Variants in HAUS4 observed in about 807,000 individuals in gnomAD.
HAUS4 encodes HAUS augmin-like complex subunit 4.
Under a neutral mutation model 50.6 loss-of-function variants are expected in HAUS4, and 34 were observed. The ratio of observed to expected loss-of-function variants is 0.67; its 90% CI spans 0.51 to 0.90. HAUS4 has a LOEUF of 0.90. Ranked by LOEUF, HAUS4 falls within the 40% of genes least tolerant of loss-of-function variation. The pLI is 0.00. For missense variants in HAUS4, 370 were observed against 428.7 expected, an observed-to-expected ratio of 0.86 and a Z score of 1.21; for synonymous variants, 149 against 161.4, an observed-to-expected ratio of 0.92 and a Z score of 0.58.
chr14:22,953,694 C>A (rs1414541830), intron 2 of HAUS4, among the ~76,000 whole-genome samples: 6 of 151,880 alleles, frequency 4.0e-5, no homozygotes, highest in Admixed American at 6.6e-5. Context: ...GATCTCGGCT[C>A]ACTGCAAGCT....
chr14:22,946,379 G>T lies in HAUS4; in HGVS notation c.*146C>A. The T allele has an allele frequency of 2.0e-6, 1 of 504,208 alleles. No homozygotes were observed. The allele number at this position is 504,208 out of a possible 1,614,324, so 31.2% of individuals were successfully genotyped here. A position where few individuals can be genotyped will look rare whatever the true frequency, so the allele number is the denominator to read the frequency against. ...TAAAAAATAAAGAGAAACCAGGAGA[G>T]TGCCTAAATGACTGCAGTGTTTCAA... On this transcript the variant is annotated 3_prime_UTR_variant, in exon 10 of 10. Transcript: ENST00000541587.
intron 9 of HAUS4, 73 bp from the exon 10 acceptor site, chr14:22,946,781 CTTTTTT>C (rs11414358): frequency 3.9e-5 from 23 of 596,956 alleles, no homozygotes; most frequent in Admixed American, 1.5e-4. Context: ...AAATGAAAAA[CTTTTTT>C]TTTTTTTTTT....
chr14:22,954,361 A>G (rs926242821), intron 2 of HAUS4: 8 of 152,178 alleles, frequency 5.3e-5, no homozygotes, highest in Admixed American at 3.3e-4. Context: ...GAAATAGTCA[A>G]GATATAGAAA....
intron 4 of HAUS4, 78 bp from the exon 5 acceptor site, chr14:22,951,767 C>T (rs2044757511): frequency 7.5e-7 from 1 of 1,340,906 alleles, no homozygotes; most frequent in Non-Finnish European, 1.0e-6. Context: ...CCTTATGAAC[C>T]AGTTTTTCAC....
At chr14:22,947,328 G>C in intron 8 of HAUS4, 89 bp from the exon 9 acceptor site, 1 of 913,108 alleles carries the variant, frequency 1.1e-6, no homozygotes, top group Non-Finnish European at 1.8e-6. Flanking sequence ...CGACGGTCAA[G>C]GTGTGGGCTA....
intron 2 of HAUS4, chr14:22,954,706 C>T (rs1434205771): frequency 6.3e-6 from 1 of 158,806 alleles, no homozygotes; most frequent in African/African-American, 2.4e-5. Context: ...GTGAGGAAAA[C>T]CATACTGGGG....
rs970930631 is a variant in HAUS4 at position 22,947,870 on chromosome 14, G to A, written c.706C>T (p.Gln236Ter). The A allele has an allele frequency of 1.2e-6, 2 of 1,613,110 alleles. No individual in the cohort carries two copies. Among genetic ancestry groups the A allele is most frequent in the Non-Finnish European group, 1.7e-6 (2 of 1,179,508 alleles). ...LLEKKSAAYS[Q>*]VLLRCLTLLQ... The stretch of plus-strand genomic sequence containing the variant: ...GGCTGTCCCATGCCCTGATAAACCT[G>A]GGAGTAAGCAGCACTCTTCTTCTCC... The change falls in exon 7 of 10, where the codon CAG (glutamine) becomes TAG (stop). Residue 236 changes from glutamine to a stop codon, truncating the protein, a stop_gained and splice_region_variant. Transcript: ENST00000541587. LOFTEE classifies it high-confidence loss of function.
intron 6 of HAUS4, 85 bp from the exon 7 acceptor site, chr14:22,948,098 T>C: frequency 7.7e-7 from 1 of 1,295,450 alleles, no homozygotes; most frequent in Non-Finnish European, 1.0e-6. Flanking sequence ...CTATCCTGTA[T>C]CTAGACCCAC....
intron 5 of HAUS4, among the ~76,000 whole-genome samples, chr14:22,950,816 C>T (rs1318475400): frequency 6.6e-6 from 1 of 152,186 alleles, no homozygotes. Flanking sequence ...TTAATATCCA[C>T]CAATAAGGTT....
chr14:22,947,752 G>A lies in HAUS4; in HGVS notation c.709-21C>T, dbSNP rs369835634. ...AGCACCTGAGCCCAAGATGGAGGAA[G>A]AAGAGGGCATAAATAAAGATAGTAG... On this transcript the variant is annotated intron_variant, in intron 7 of 9. Coordinates refer to ENST00000541587, the MANE Select transcript of HAUS4 (RefSeq NM_001166269.2). 11 of 1,613,638 alleles carry A rather than the reference G, an allele frequency of 6.8e-6. No homozygotes were observed. The African/African-American group carries it at 9.3e-5, about 14-fold the overall frequency.
chr14:22,947,772 T>C (rs1156678491), intron 7 of HAUS4, 41 bp from the exon 8 acceptor site: 3 of 1,612,670 alleles, frequency 1.9e-6, no homozygotes, highest in Admixed American at 1.7e-5. Flanking sequence ...TAAATAAAGA[T>C]AGTAGAAAGG....
rs759880389 is a variant in HAUS4 at position 22,946,689 on chromosome 14, T to G, written c.928A>C (p.Ile310Leu). The G allele has an allele frequency of 1.9e-6, 3 of 1,611,994 alleles. No individual in the cohort carries two copies. In the South Asian group the frequency reaches 3.3e-5, roughly 18 times the overall value. Residue 310 changes from isoleucine (I) to leucine (L), a missense_variant, in exon 10 of 10, where the codon ATT becomes CTT. Physicochemically the swap from Ile to Leu is conservative, Grantham distance 5. Coordinates refer to ENST00000541587, the MANE Select transcript of HAUS4 (RefSeq NM_001166269.2). ...TCCATGTCCTGCTCCTGTAGGTGAA[T>G]GGCTCCCTCCAAACGGTCCCTAAGA... ...RLIRDRLEGA[I>L]HLQEQDMENS... is the part of the protein sequence containing the mutation.
chr14:22,947,327 A>G, intron 8 of HAUS4, 88 bp from the exon 9 acceptor site: 2 of 915,612 alleles, frequency 2.2e-6, no homozygotes, highest in Non-Finnish European at 3.6e-6. Context: ...CCGACGGTCA[A>G]GGTGTGGGCT....
intron 2 of HAUS4, among the ~76,000 whole-genome samples, chr14:22,953,207 T>A (rs2044790248): frequency 6.6e-6 from 1 of 151,936 alleles, no homozygotes; most frequent in South Asian, 2.1e-4. Context: ...TGGAGTGCAG[T>A]GGCACAATCA....
At chr14:22,953,920 G>A (rs764829380) in intron 2 of HAUS4, among the ~76,000 whole-genome samples, 9 of 151,262 alleles carry the variant, frequency 5.9e-5, no homozygotes, top group African/African-American at 1.7e-4. Flanking sequence ...GTGAGCCACC[G>A]TGCCCAGCCT....
intron 5 of HAUS4, 82 bp from the exon 6 acceptor site, chr14:22,950,492 C>T (rs1183517889): frequency 3.9e-6 from 3 of 768,774 alleles, no homozygotes; most frequent in Non-Finnish European, 6.8e-6. Flanking sequence ...ATGATGATAA[C>T]CTCAATAATA....
chr14:22,949,697 A>G (rs1341580302), intron 6 of HAUS4, among the ~76,000 whole-genome samples: 1 of 152,208 alleles, frequency 6.6e-6, no homozygotes, highest in Non-Finnish European at 1.5e-5. Flanking sequence ...CCAAGCTTAT[A>G]CAGAGAGTAT....
In HAUS4 at chr14:22,952,451, C is replaced by T. The variant is rs2044771974; in HGVS notation, c.207G>A (p.Lys69=). 1 of 1,613,996 alleles carries T rather than the reference C, an allele frequency of 6.2e-7. No homozygotes were observed. The highest frequency in any genetic ancestry group is 1.3e-5 in the African/African-American group (1 of 74,930). Residue 69 remains lysine (K), a synonymous_variant, in exon 4 of 10, where the codon AAG becomes AAA. Coordinates refer to ENST00000541587, the MANE Select transcript of HAUS4 (RefSeq NM_001166269.2). Reference sequence around the variant, plus strand: ...ATGTTGTCTTATGCAGTCGAACTTCCTTCCATGCCTAGAAATCCAAAAAAT... The same window carrying T: ...ATGTTGTCTTATGCAGTCGAACTTCTTTCCATGCCTAGAAATCCAAAAAAT... The part of the protein sequence containing the change: ...TLAKEQAQAW[K]EVRLHKTTWL...
At chr14:22,955,323 C>T in intron 1 of HAUS4, 147 bp from the exon 2 acceptor site, 2 of 642,976 alleles carry the variant, frequency 3.1e-6, no homozygotes, top group Non-Finnish European at 5.6e-6. Flanking sequence ...TACCACACAT[C>T]CTGGGTCCCA....
Sources: allele counts gnomAD v4.1 joint callset (sites outside exome capture counted in the v4.1 genomes callset), GRCh38; gene constraint gnomAD v4.1.1; transcripts MANE v1.5; gene names NCBI Gene and HGNC (gene_info 2026-07-23, HGNC 2026-07-21).